Variants in NEDD4 observed in about 807,000 individuals in gnomAD.
NEDD4 encodes the protein NEDD4 E3 ubiquitin protein ligase, also known as E3 ubiquitin-protein ligase NEDD4.
Under a neutral mutation model 144.9 loss-of-function variants are expected in NEDD4, and 99 were observed. That is an observed-to-expected ratio of 0.68 (90% confidence interval 0.58 to 0.81). The LOEUF is 0.81. Among genes scored for constraint, NEDD4 ranks in the 30% least tolerant of loss-of-function variants. The pLI is 0.00. For missense variants in NEDD4, 985 were observed against 1,065.9 expected, an observed-to-expected ratio of 0.92 and a Z score of 1.06; for synonymous variants, 318 against 350.6, an observed-to-expected ratio of 0.91 and a Z score of 1.04.
At chr15:55,908,219 T>G (rs1261670125) in intron 5 of NEDD4, among the ~76,000 whole-genome samples, 1 of 152,244 alleles carries the variant, frequency 6.6e-6, no homozygotes. Flanking sequence ...GTGTCTATTT[T>G]GAGCTAGTCA....
At chr15:55,970,912 A>T (rs1318139935) in intron 1 of NEDD4, among the ~76,000 whole-genome samples, 12 of 152,202 alleles carry the variant, frequency 7.9e-5, no homozygotes, top group African/African-American at 2.9e-4. Flanking sequence ...AACATCATCC[A>T]GGACAACATG....
chr15:55,936,770 T>G (rs1177187693), intron 4 of NEDD4, among the ~76,000 whole-genome samples: 3 of 151,860 alleles, frequency 2.0e-5, no homozygotes, highest in Admixed American at 6.6e-5. Context: ...AGTGTAGATT[T>G]TAATTATAAT....
At chr15:55,856,963 A>G (rs1204245477) in intron 11 of NEDD4, among the ~76,000 whole-genome samples, 14 of 152,230 alleles carry the variant, frequency 9.2e-5, no homozygotes, top group Non-Finnish European at 2.9e-5. Context: ...GTCTTTCAAT[A>G]GGAGACTGGT....
chr15:55,978,509 A>G (rs1238950531), intron 1 of NEDD4, among the ~76,000 whole-genome samples: 2 of 152,220 alleles, frequency 1.3e-5, no homozygotes, highest in African/African-American at 4.8e-5. Flanking sequence ...TGCTGCAACT[A>G]TAGAAAAATC....
chr15:55,971,993 A>G (rs994649380), intron 1 of NEDD4, among the ~76,000 whole-genome samples: 24 of 152,350 alleles, frequency 1.6e-4, no homozygotes, highest in South Asian at 1.0e-3. Context: ...GCTGAAGGAA[A>G]AAATTTTTAT....
At chr15:55,879,726 CAATT>C in intron 5 of NEDD4, among the ~76,000 whole-genome samples, 1 of 151,978 alleles carries the variant, frequency 6.6e-6, no homozygotes, top group East Asian at 1.9e-4. Flanking sequence ...AAAAAAGAAG[CAATT>C]AGAGGACAAG....
chr15:55,958,529 T>A (rs2037375148), intron 2 of NEDD4, among the ~76,000 whole-genome samples: 1 of 152,184 alleles, frequency 6.6e-6, no homozygotes, highest in Non-Finnish European at 1.5e-5. Context: ...ATGCCCTCCA[T>A]TTTCTGAACG....
intron 5 of NEDD4, among the ~76,000 whole-genome samples, chr15:55,912,932 C>T (rs1210989640): frequency 6.6e-6 from 1 of 152,092 alleles, no homozygotes; most frequent in Non-Finnish European, 1.5e-5. Context: ...CATCTTCACT[C>T]TAAGTTGTAA....
At chr15:55,830,907 A>G (rs543033612) in intron 27 of NEDD4, among the ~76,000 whole-genome samples, 3 of 152,186 alleles carry the variant, frequency 2.0e-5, no homozygotes, top group African/African-American at 4.8e-5. Flanking sequence ...GGGTCTCACT[A>G]TGTTGCCCAG....
chr15:55,906,095 C>T (rs1205819740), intron 5 of NEDD4, among the ~76,000 whole-genome samples: 1 of 152,088 alleles, frequency 6.6e-6, no homozygotes, highest in Non-Finnish European at 1.5e-5. Context: ...CCATCTCACA[C>T]CAGTTAGAAT....
intron 4 of NEDD4, among the ~76,000 whole-genome samples, chr15:55,925,215 G>A (rs1180312931): frequency 6.6e-6 from 1 of 152,218 alleles, no homozygotes; most frequent in Non-Finnish European, 1.5e-5. Context: ...ACAACAAAGT[G>A]AATCTGGTTG....
At chr15:55,988,281 A>C (rs1297387750) in intron 1 of NEDD4, among the ~76,000 whole-genome samples, 1 of 116,908 alleles carries the variant, frequency 8.6e-6, no homozygotes, top group African/African-American at 3.4e-5. Context: ...CAATGAGATC[A>C]CTTGGACACA....
intron 9 of NEDD4, among the ~76,000 whole-genome samples, 192 bp from the exon 10 acceptor site, chr15:55,860,970 G>A (rs72732270): frequency 0.12 from 17,953 of 152,174 alleles, 1,285 homozygotes; most frequent in East Asian, 0.36. Flanking sequence ...AGTACCTTAC[G>A]GAGTTTAAGG....
intron 5 of NEDD4, among the ~76,000 whole-genome samples, chr15:55,883,912 C>A (rs1251614693): frequency 3.4e-5 from 5 of 148,114 alleles, no homozygotes; most frequent in African/African-American, 5.0e-5. Context: ...CAGAGTCTCA[C>A]CCTGTTGCCC....
chr15:55,829,855 A>C lies in NEDD4; in HGVS notation c.*42T>G. 1 of 1,490,956 alleles carries C rather than the reference A, an allele frequency of 6.7e-7. No homozygotes were observed. The highest frequency in any genetic ancestry group is 1.2e-5 in the South Asian group (1 of 82,038). 92.4% of individuals were successfully genotyped at this position (1,490,956 alleles called of 1,614,324 possible). On this transcript the variant is annotated 3_prime_UTR_variant, in exon 29 of 29. Coordinates refer to ENST00000435532, the MANE Select transcript of NEDD4 (RefSeq NM_006154.4). ...AATTTTAAGTCAAGATTTTGGTTAT[A>C]AAACTATGGCAGTAAAAACACTACA...
At chr15:55,910,498 C>T (rs1405787038) in intron 5 of NEDD4, among the ~76,000 whole-genome samples, 1 of 152,048 alleles carries the variant, frequency 6.6e-6, no homozygotes, top group Non-Finnish European at 1.5e-5. Context: ...CTTCTTTATC[C>T]CCTCTTCTAC....
chr15:55,903,269 G>A (rs2035969325), intron 5 of NEDD4, among the ~76,000 whole-genome samples: 1 of 151,986 alleles, frequency 6.6e-6, no homozygotes. Flanking sequence ...TTATCCTGTA[G>A]GATTCTCCCA....
At chr15:55,953,180 G>A (rs1333806135) in intron 2 of NEDD4, among the ~76,000 whole-genome samples, 1 of 151,760 alleles carries the variant, frequency 6.6e-6, no homozygotes, top group Non-Finnish European at 1.5e-5. Context: ...AGTACAGACA[G>A]GGCTTCACCA....
rs10711886 is a variant in NEDD4, at chr15:55,983,613, C to CT, written c.45+9897dup. 1.5e-3 allele frequency among the ~76,000 whole-genome samples: 211 copies of CT among 141,990 alleles called. 2 individuals carry two copies. Among genetic ancestry groups the CT allele is most frequent in the South Asian group, 9.8e-3 (43 of 4,406 alleles). The allele number at this position is 141,990 out of a possible 152,430, so 93.2% of individuals were successfully genotyped here. A position where few individuals can be genotyped will look rare whatever the true frequency, so the allele number is the denominator to read the frequency against. The stretch of plus-strand genomic sequence containing the variant: ...TAAAATTAATTAATTTTTAGATATA[C>CT]TTTTTTTTTTTTTTTTGAGACAGAG... On this transcript the variant is annotated intron_variant, in intron 1 of 28. Coordinates refer to ENST00000435532, the MANE Select transcript of NEDD4 (RefSeq NM_006154.4).
Sources: allele counts gnomAD v4.1 joint callset (sites outside exome capture counted in the v4.1 genomes callset), GRCh38; gene constraint gnomAD v4.1.1; transcripts MANE v1.5; gene names NCBI Gene and HGNC (gene_info 2026-07-23, HGNC 2026-07-21).